WNT7B: variants seen among roughly 807,000 people sequenced by gnomAD.
The protein encoded by WNT7B is Wnt family member 7B, also known as protein Wnt-7b.
WNT7B carries 19 observed loss-of-function variants against 38.2 expected under a neutral mutation model. The observed-to-expected ratio is 0.50, with a 90% CI of 0.35 to 0.73. The LOEUF (loss-of-function observed/expected upper bound fraction) is 0.73. Ranked by LOEUF, WNT7B falls within the 30% of genes least tolerant of loss-of-function variation. The probability of loss-of-function intolerance (pLI) is 0.01; values close to 1 mark genes in which losing one functional copy is unlikely to be tolerated. For missense variants in WNT7B, 423 were observed against 507.9 expected (o/e 0.83, Z 1.61); for synonymous variants, 243 against 209.3 (o/e 1.16, Z -1.39).
intron 2 of WNT7B, among the ~76,000 whole-genome samples, chr22:45,944,707 G>A (rs1287533878): frequency 1.3e-5 from 2 of 152,260 alleles, no homozygotes; most frequent in Admixed American, 6.5e-5. Context: ...CCATTGGCCT[G>A]TGCTCACCCA....
At chr22:45,929,654 TTCCACCCACCC>T (rs1931241655) in intron 3 of WNT7B, among the ~76,000 whole-genome samples, 3 of 81,458 alleles carry the variant, frequency 3.7e-5, no homozygotes, top group African/African-American at 1.5e-4. Context: ...TCATCCATCC[TTCCACCCACCC>T]GCCCATCCTT....
chr22:45,932,480 G>A (rs141983331), intron 2 of WNT7B, among the ~76,000 whole-genome samples: 5 of 151,910 alleles, frequency 3.3e-5, no homozygotes, highest in East Asian at 1.9e-4. Context: ...ACCCAGATCC[G>A]GACACCCTCT....
At chr22:45,956,437 G>A (rs2146739410) in intron 1 of WNT7B, among the ~76,000 whole-genome samples, 1 of 152,256 alleles carries the variant, frequency 6.6e-6, no homozygotes, top group South Asian at 2.1e-4. Flanking sequence ...GGAGATCAGG[G>A]ACCAGCTTCA....
At position 45,975,638 on chromosome 22, in the gene WNT7B, CCACCAGTGGTACCT is replaced by C; in HGVS notation, c.71+1032_71+1045del. 1.4e-6 allele frequency: 1 copy of C among 712,518 alleles called. No homozygotes were observed. The highest frequency in any genetic ancestry group is 1.5e-5 in the South Asian group (1 of 67,002). 44.1% of individuals were successfully genotyped at this position (712,518 alleles called of 1,614,324 possible). A position where few individuals can be genotyped will look rare whatever the true frequency, so the allele number is the denominator to read the frequency against. Reference sequence around the variant, plus strand: ...CTCTCCGCCTGGGAAGCCGCGTCTCCCACCAGTGGTACCTGCACCTGCCCCTCCCGCGGGTCTGT... The same window carrying C: ...CTCTCCGCCTGGGAAGCCGCGTCTCCGCACCTGCCCCTCCCGCGGGTCTGT... On this transcript the variant is annotated intron_variant, in intron 1 of 3. Transcript: ENST00000339464. The surrounding 1 kb of genome is among the most constrained non-coding windows in gnomAD (Gnocchi z 6.6).
intron 3 of WNT7B, chr22:45,927,077 C>G: frequency 1.0e-6 from 1 of 985,450 alleles, no homozygotes; most frequent in Non-Finnish European, 1.2e-6. Context: ...CAACAGCCCC[C>G]AGGCCTCTGC....
chr22:45,963,506 C>T (rs912376589), intron 1 of WNT7B, among the ~76,000 whole-genome samples: 15 of 152,256 alleles, frequency 9.9e-5, no homozygotes, highest in African/African-American at 2.9e-4. Flanking sequence ...TTCCCCACGG[C>T]GAGCCCCCAG....
Position 45,953,913 on chromosome 22 carries a change from T to G in WNT7B, c.72-3767A>C, listed in dbSNP as rs184036540. Among the ~76,000 whole-genome samples, 92 of 152,272 alleles carry G rather than the reference T, an allele frequency of 6.0e-4. 2 individuals carry two copies. The East Asian group carries it at 0.015, about 25-fold the overall frequency. On this transcript the variant is annotated intron_variant, in intron 1 of 3. Transcript: ENST00000339464. ...CAGGGATTCCACCCCTTGGCATAGA[T>G]TCAAATGAACCGAAGACAGGTGTTT...
chr22:45,965,039 G>A lies in WNT7B; in HGVS notation c.71+11645C>T, dbSNP rs1932281476. ...CTGAAGCCACTCCTCCCTGCCCTGG[G>A]CTCCCCAGACCCGAGATCACTGCCT... On this transcript the variant is annotated intron_variant, in intron 1 of 3. Transcript: ENST00000339464. This position sits in a 1 kb window ranked among gnomAD's most constrained non-coding sequence, Gnocchi z 6.5. Among the ~76,000 whole-genome samples, 2 of 152,032 alleles carry A rather than the reference G, an allele frequency of 1.3e-5. No homozygotes were observed. The highest frequency in any genetic ancestry group is 4.8e-5 in the African/African-American group (2 of 41,384).
At chr22:45,934,910 C>A (rs574725928) in intron 2 of WNT7B, among the ~76,000 whole-genome samples, 15 of 152,338 alleles carry the variant, frequency 9.8e-5, no homozygotes, top group African/African-American at 3.6e-4. Flanking sequence ...CGGCGAGAGT[C>A]GCTGCCGTGG....
intron 2 of WNT7B, chr22:45,935,754 C>G (rs367622045): frequency 1.1e-6 from 1 of 935,732 alleles, no homozygotes; most frequent in Non-Finnish European, 1.3e-6. Flanking sequence ...CCATTCTGAT[C>G]AGACCCATTT....
chr22:45,943,036 C>A (rs114041721), intron 2 of WNT7B, among the ~76,000 whole-genome samples: 1,819 of 141,388 alleles, frequency 0.013, 15 homozygotes, highest in Middle Eastern at 0.028. Flanking sequence ...TGTGTGTGCG[C>A]GTGTGTGCAG....
intron 2 of WNT7B, among the ~76,000 whole-genome samples, chr22:45,942,888 T>G (rs1341207024): frequency 1.3e-5 from 2 of 151,326 alleles, no homozygotes; most frequent in African/African-American, 4.9e-5. Flanking sequence ...TGCATGTATG[T>G]GCGTGTGTGT....
intron 2 of WNT7B, among the ~76,000 whole-genome samples, chr22:45,940,022 A>C (rs1211698280): frequency 6.6e-6 from 1 of 152,106 alleles, no homozygotes; most frequent in Non-Finnish European, 1.5e-5. Flanking sequence ...GGGGTGATGA[A>C]AATGTTCTAA....
rs112334558 is a variant in WNT7B, at chr22:45,965,806, G to A, written c.71+10878C>T. Among the ~76,000 whole-genome samples, 259 of 152,288 alleles carry A rather than the reference G, an allele frequency of 1.7e-3. 1 individual carries two copies. The highest frequency in any genetic ancestry group is 4.8e-3 in the African/African-American group (198 of 41,568). The stretch of plus-strand genomic sequence containing the variant: ...CCTTGAGACCCTCGCTCAGGGCCCC[G>A]GGGACTCTTGGTCAACACACAGTTC... On this transcript the variant is annotated intron_variant, in intron 1 of 3. Transcript: ENST00000339464. The surrounding 1 kb of genome is among the most constrained non-coding windows in gnomAD (Gnocchi z 6.5).
intron 1 of WNT7B, chr22:45,954,831 C>G: frequency 1.1e-6 from 1 of 871,450 alleles, no homozygotes; most frequent in Non-Finnish European, 1.4e-6. Context: ...GACCTCAGAC[C>G]TCACCTATGT....
At chr22:45,941,765 T>C (rs1216496013) in intron 2 of WNT7B, among the ~76,000 whole-genome samples, 1 of 152,202 alleles carries the variant, frequency 6.6e-6, no homozygotes, top group Non-Finnish European at 1.5e-5. Flanking sequence ...CCCATGGAAC[T>C]GGGGCTTGTG....
At chr22:45,962,608 T>C (rs1055438597) in intron 1 of WNT7B, among the ~76,000 whole-genome samples, 1 of 152,216 alleles carries the variant, frequency 6.6e-6, no homozygotes, top group Admixed American at 6.5e-5. Context: ...GAGGAAGCCG[T>C]TGGGACTGAA....
intron 2 of WNT7B, among the ~76,000 whole-genome samples, chr22:45,940,240 G>T (rs1002492530): frequency 3.3e-5 from 5 of 152,058 alleles, no homozygotes; most frequent in African/African-American, 1.2e-4. Context: ...TATGAACTAA[G>T]ACCCCCCACT....
Position 45,931,430 on chromosome 22 carries a change from G to A in WNT7B, c.299-61C>T, listed in dbSNP as rs73444571. 5,991 of 1,498,240 alleles carry A rather than the reference G, an allele frequency of 4.0e-3. 222 individuals carry two copies. The African/African-American group carries it at 0.075, about 19-fold the overall frequency. The allele number at this position is 1,498,240 out of a possible 1,614,324, so 92.8% of individuals were successfully genotyped here. ...AGGCCCTGGGCCAGGTGGGCTCAGG[G>A]GACAGGGTGCCGGGCCTCGATCCAC... is the stretch of plus-strand genomic sequence containing the variant. On this transcript the variant is annotated intron_variant, in intron 2 of 3. Transcript: ENST00000339464.
Sources: gnomAD v4.1 joint callset for allele counts (sites outside exome capture counted in the v4.1 genomes callset) on GRCh38, gnomAD v4.1.1 for gene constraint, Gnocchi (gnomAD v3.1) non-coding constraint, MANE v1.5 for transcripts, NCBI Gene and HGNC (gene_info 2026-07-23, HGNC 2026-07-21) for gene names.